LYST: variants seen among roughly 807,000 people sequenced by gnomAD.
LYST encodes lysosomal trafficking regulator, also known as lysosomal-trafficking regulator.
A neutral mutation model predicts 413.6 loss-of-function variants in LYST; 192 were observed. The observed-to-expected ratio is 0.46, with a 90% CI of 0.41 to 0.52. The LOEUF is 0.52. Ranked by LOEUF, LYST falls within the 20% of genes least tolerant of loss-of-function variation. LYST has a pLI of 0.00. For synonymous variants in LYST, 1,525 were observed against 1,567.3 expected (o/e 0.97, Z 0.64); for missense variants, 3,815 against 4,499.9 (o/e 0.85, Z 4.35).
At chr1:235,720,636 A>G (rs1432506220) in intron 40 of LYST, 25 bp downstream of exon 40, 2 of 1,610,602 alleles carry the variant, frequency 1.2e-6, no homozygotes, top group Non-Finnish European at 1.7e-6. Flanking sequence ...GATGAACCCT[A>G]AAGGTGATGA....
At chr1:235,821,505 C>A (rs1264394661) in intron 3 of LYST, among the ~76,000 whole-genome samples, 1 of 152,030 alleles carries the variant, frequency 6.6e-6, no homozygotes, top group Non-Finnish European at 1.5e-5. Flanking sequence ...ATCCTCTATT[C>A]GAAGCTTAAT....
rs1558115733 is a variant in LYST at position 235,686,880 on chromosome 1, A to G, written c.10800+69T>C. The stretch of plus-strand genomic sequence containing the variant: ...GTTAATCTTATGCAAAGTGAATTAT[A>G]CTTCATAAAGGCTTTCTTCCCCTCA... On this transcript the variant is annotated intron_variant, in intron 48 of 52. Transcript: ENST00000389793. The surrounding 1 kb of genome is among the most constrained non-coding windows in gnomAD (Gnocchi z 4.0). The G allele has an allele frequency of 9.0e-7, 1 of 1,107,274 alleles. No individual in the cohort carries two copies. Among genetic ancestry groups the G allele is most frequent in the South Asian group, 1.2e-5 (1 of 80,722 alleles). The allele number at this position is 1,107,274 out of a possible 1,614,324, so 68.6% of individuals were successfully genotyped here. A position where few individuals can be genotyped will look rare whatever the true frequency, so the allele number is the denominator to read the frequency against.
chr1:235,881,731 G>C (rs1477763067), intron 1 of LYST, among the ~76,000 whole-genome samples: 1 of 152,184 alleles, frequency 6.6e-6, no homozygotes, highest in Non-Finnish European at 1.5e-5. Context: ...CAACATGGAT[G>C]AATCTTGAAG....
At position 235,806,292 on chromosome 1, in the gene LYST, G is replaced by A; in HGVS notation, c.2844C>T (p.Ser948=). The A allele has an allele frequency of 1.2e-6, 2 of 1,613,966 alleles. No homozygotes were observed. The highest frequency in any genetic ancestry group is 1.7e-4 in the Middle Eastern group (1 of 6,058). ...TATGTTCAGGAGAAGGCAAGACAAGGCTCTCGAGAGATATACATGGCAGCA... is the reference window on the plus strand; with the variant it reads ...TATGTTCAGGAGAAGGCAAGACAAGACTCTCGAGAGATATACATGGCAGCA... ...SHMLPCISLE[S]LVLPSPEHMH... Residue 948 remains serine (S), a synonymous_variant, in exon 6 of 53, where the codon AGC becomes AGT. Coordinates refer to ENST00000389793, the MANE Select transcript of LYST (RefSeq NM_000081.4).
intron 21 of LYST, among the ~76,000 whole-genome samples, chr1:235,764,665 A>C (rs2103385879): frequency 6.6e-6 from 1 of 151,200 alleles, no homozygotes. Flanking sequence ...ATGCCAGGCT[A>C]ATTTTTTTTT....
intron 19 of LYST, 44 bp downstream of exon 19, chr1:235,773,798 A>G (rs1415527643): frequency 1.3e-6 from 2 of 1,543,612 alleles, no homozygotes; most frequent in East Asian, 2.3e-5. Context: ...TGTTATATGC[A>G]TTTTACCACA....
In LYST at chr1:235,860,416, G is replaced by A. The variant is rs562788055; in HGVS notation, c.-98+6427C>T. Among the ~76,000 whole-genome samples, 22 of 152,246 alleles carry A rather than the reference G, an allele frequency of 1.4e-4. No individual in the cohort carries two copies. The South Asian group carries it at 2.1e-3, about 14-fold the overall frequency. ...TGATGTGGTATATTCTATGGGTATCGACAAATGTATAATAACATGTAGCTA... is the reference window on the plus strand; with the variant it reads ...TGATGTGGTATATTCTATGGGTATCAACAAATGTATAATAACATGTAGCTA... On this transcript the variant is annotated intron_variant, in intron 1 of 52. Transcript: ENST00000389793.
chr1:235,703,959 T>C lies in LYST; in HGVS notation c.10144-982A>G, dbSNP rs969870467. Reference sequence around the variant, plus strand: ...CAGTGTCGTTGTTCCCCTCTTTGTGTCCATGAGTTCTCATTTAGCTTCCAC... The same window carrying C: ...CAGTGTCGTTGTTCCCCTCTTTGTGCCCATGAGTTCTCATTTAGCTTCCAC... On this transcript the variant is annotated intron_variant, in intron 44 of 52. Transcript: ENST00000389793. Among the ~76,000 whole-genome samples the C allele has an allele frequency of 2.6e-5, 4 of 152,158 alleles. No individual in the cohort carries two copies. The South Asian group carries it at 6.2e-4, about 24-fold the overall frequency.
In LYST at chr1:235,686,123, T is replaced by C. The variant is rs112450064; in HGVS notation, c.10800+826A>G. Among the ~76,000 whole-genome samples, 7,849 of 152,058 alleles carry C rather than the reference T, an allele frequency of 0.052. 631 individuals are homozygous for C. The highest frequency in any genetic ancestry group is 0.17 in the African/African-American group (7,230 of 41,462). On this transcript the variant is annotated intron_variant, in intron 48 of 52. Transcript: ENST00000389793. The surrounding 1 kb of genome is among the most constrained non-coding windows in gnomAD (Gnocchi z 4.0). Reference sequence around the variant, plus strand: ...GGCTCACACCTATAATCCCAGCACTTTGGGAGGCCGAGGTGGGAGGATCAC... The same window carrying C: ...GGCTCACACCTATAATCCCAGCACTCTGGGAGGCCGAGGTGGGAGGATCAC...
intron 17 of LYST, among the ~76,000 whole-genome samples, chr1:235,775,649 C>T (rs890639671): frequency 6.6e-6 from 1 of 152,098 alleles, no homozygotes; most frequent in African/African-American, 2.4e-5. Flanking sequence ...TCTGATCCCT[C>T]TCTGCTTGGT....
In LYST at chr1:235,739,022, G is replaced by A. The variant is rs961138210; in HGVS notation, c.8358+2400C>T. On this transcript the variant is annotated intron_variant, in intron 31 of 52. Coordinates refer to ENST00000389793, the MANE Select transcript of LYST (RefSeq NM_000081.4). ...TGATGTCATACTATTTCACTGTCTAGGCTACAATAGGATTTTAGTTGGAGG... is the reference window on the plus strand; with the variant it reads ...TGATGTCATACTATTTCACTGTCTAAGCTACAATAGGATTTTAGTTGGAGG... The A allele has an allele frequency of 4.4e-6, 3 of 679,530 alleles. No individual in the cohort carries two copies. The African/African-American group carries it at 5.3e-5, about 12-fold the overall frequency. 42.1% of individuals were successfully genotyped at this position (679,530 alleles called of 1,614,324 possible).
At chr1:235,725,958 T>TA (rs542886319) in intron 38 of LYST, among the ~76,000 whole-genome samples, 2 of 151,816 alleles carry the variant, frequency 1.3e-5, no homozygotes, top group African/African-American at 4.8e-5. Flanking sequence ...AAGAAAAACT[T>TA]AAAAAAAATG....
intron 1 of LYST, among the ~76,000 whole-genome samples, chr1:235,845,217 C>T (rs1306926298): frequency 6.6e-6 from 1 of 152,322 alleles, no homozygotes; most frequent in African/African-American, 2.4e-5. Flanking sequence ...CACACCCCCA[C>T]TGGAGAAGCT....
At chr1:235,680,503 C>T (rs186751863) in intron 48 of LYST, among the ~76,000 whole-genome samples, 4 of 151,906 alleles carry the variant, frequency 2.6e-5, no homozygotes, top group Non-Finnish European at 5.9e-5. Context: ...TTCAAGTGGT[C>T]GTCCCACCTG....
chr1:235,682,198 C>T (rs1037806862), intron 48 of LYST, among the ~76,000 whole-genome samples: 3 of 152,036 alleles, frequency 2.0e-5, no homozygotes, highest in Non-Finnish European at 4.4e-5. Flanking sequence ...GTAGCCCCAG[C>T]TATTGGTAGG....
intron 43 of LYST, among the ~76,000 whole-genome samples, chr1:235,709,970 A>G (rs1255655377): frequency 6.6e-6 from 1 of 152,206 alleles, no homozygotes; most frequent in African/African-American, 2.4e-5. Flanking sequence ...TCATCAGTAT[A>G]AACAAAAATC....
intron 6 of LYST, among the ~76,000 whole-genome samples, chr1:235,804,897 C>T (rs968223927): frequency 6.6e-6 from 1 of 152,026 alleles, no homozygotes; most frequent in Admixed American, 6.6e-5. Context: ...TTCATTGCAG[C>T]ATGGTAAAGA....
intron 26 of LYST, among the ~76,000 whole-genome samples, chr1:235,752,769 T>C (rs1666631413): frequency 1.3e-5 from 2 of 152,096 alleles, no homozygotes; most frequent in Admixed American, 1.3e-4. Flanking sequence ...CTACAATGCT[T>C]CTCTCCATCT....
At chr1:235,798,599 AAAAAAAAAAAAAAAAAAC>A (rs2102806807) in intron 10 of LYST, among the ~76,000 whole-genome samples, 2 of 144,310 alleles carry the variant, frequency 1.4e-5, no homozygotes, top group Non-Finnish European at 3.1e-5. Flanking sequence ...AAAAAAAAAA[AAAAAAAAAAAAAAAAAAC>A]ACTGAAAAAA....
Sources: gnomAD v4.1 joint callset for allele counts (sites outside exome capture counted in the v4.1 genomes callset) on GRCh38, gnomAD v4.1.1 for gene constraint, Gnocchi (gnomAD v3.1) non-coding constraint, MANE v1.5 for transcripts, NCBI Gene and HGNC (gene_info 2026-07-23, HGNC 2026-07-21) for gene names.